PTCHD4: variants seen among roughly 807,000 people sequenced by gnomAD.
PTCHD4 encodes the protein patched domain containing 4.
Under a neutral mutation model 58.1 loss-of-function variants are expected in PTCHD4, and 33 were observed. The observed-to-expected ratio is 0.57, with a 90% CI of 0.43 to 0.76. The LOEUF (loss-of-function observed/expected upper bound fraction) is 0.76, where lower values mean the gene tolerates loss of function less well. PTCHD4 is among the 30% of genes least tolerant of loss of function. PTCHD4 has a pLI of 0.00. For missense variants in PTCHD4, 1,058 were observed against 1,027.1 expected, an observed-to-expected ratio of 1.03 and a Z score of -0.41; for synonymous variants, 478 against 409.6, an observed-to-expected ratio of 1.17 and a Z score of -2.02.
At chr6:48,004,435 G>T (rs989364175) in intron 4 of PTCHD4, among the ~76,000 whole-genome samples, 1 of 152,098 alleles carries the variant, frequency 6.6e-6, no homozygotes, top group African/African-American at 2.4e-5. Context: ...AGCCAGCTTG[G>T]CATCTGTGTG....
chr6:47,944,349 C>A (rs1451896622), intron 4 of PTCHD4, among the ~76,000 whole-genome samples: 1 of 152,016 alleles, frequency 6.6e-6, no homozygotes, highest in Non-Finnish European at 1.5e-5. Flanking sequence ...ACATTAATGA[C>A]AATAGCTTGG....
At chr6:48,097,948 T>C (rs1427757854) in intron 1 of PTCHD4, among the ~76,000 whole-genome samples, 1 of 152,002 alleles carries the variant, frequency 6.6e-6, no homozygotes, top group Non-Finnish European at 1.5e-5. Context: ...AAAGAGAAGG[T>C]AGTAGAAAGC....
intron 3 of PTCHD4, among the ~76,000 whole-genome samples, chr6:48,041,983 C>A (rs1763864755): frequency 1.3e-5 from 2 of 152,000 alleles, no homozygotes; most frequent in African/African-American, 4.8e-5. Context: ...AAGACATGCA[C>A]AGAAGCATAT....
intron 4 of PTCHD4, among the ~76,000 whole-genome samples, chr6:47,992,885 A>C (rs911707555): frequency 1.3e-5 from 2 of 152,212 alleles, no homozygotes; most frequent in Admixed American, 1.3e-4. Flanking sequence ...AACCTTGAAA[A>C]TGAAAAATGA....
At position 47,865,979 on chromosome 6, in the gene PTCHD4, C is replaced by T. The variant is rs1763553912; in HGVS notation, c.*12324G>A. ...TCTGTGCTTTTGTTGCATGTTATGG[C>T]TTTGCTCAGTCTGGTCCCGTCACAT... On this transcript the variant is annotated 3_prime_UTR_variant, in exon 5 of 5. Transcript: ENST00000339488. Among the ~76,000 whole-genome samples the T allele has an allele frequency of 1.3e-5, 2 of 151,818 alleles. No homozygotes were observed. Among genetic ancestry groups the T allele is most frequent in the South Asian group, 2.1e-4 (1 of 4,818 alleles).
rs1011781641 is a variant in PTCHD4 at position 47,873,822 on chromosome 6, T to C, written c.*4481A>G. Among the ~76,000 whole-genome samples, 1 of 151,744 alleles carries C rather than the reference T, an allele frequency of 6.6e-6. No homozygotes were observed. The highest frequency in any genetic ancestry group is 2.1e-4 in the South Asian group (1 of 4,838). ...AATGTCATAAAATTGTCACAAAATT[T>C]TGGTAATTGAGAAAAAGCTAAAACT... On this transcript the variant is annotated 3_prime_UTR_variant, in exon 5 of 5. Transcript: ENST00000339488.
intron 4 of PTCHD4, among the ~76,000 whole-genome samples, chr6:47,959,669 G>T (rs1292463509): frequency 2.0e-5 from 3 of 151,864 alleles, no homozygotes; most frequent in African/African-American, 4.8e-5. Flanking sequence ...CAAGGCAATA[G>T]GACATATTAT....
intron 3 of PTCHD4, among the ~76,000 whole-genome samples, chr6:48,055,000 G>A (rs192954089): frequency 2.6e-5 from 4 of 152,312 alleles, no homozygotes; most frequent in Admixed American, 2.6e-4. Context: ...GGACAAAGAT[G>A]TTAAGTGTCA....
intron 4 of PTCHD4, among the ~76,000 whole-genome samples, chr6:47,897,550 G>C (rs1280532300): frequency 2.0e-5 from 3 of 152,140 alleles, no homozygotes; most frequent in Admixed American, 6.6e-5. Context: ...TCCTGGGGAG[G>C]GAGATGTCAT....
In PTCHD4 at chr6:47,879,697, A is replaced by G. The variant is rs142250373; in HGVS notation, c.1138T>C (p.Phe380Leu). 13 of 1,613,522 alleles carry G rather than the reference A, an allele frequency of 8.1e-6. No individual in the cohort carries two copies. Among genetic ancestry groups the G allele is most frequent in the Non-Finnish European group, 1.1e-5 (13 of 1,179,768 alleles). The change falls in exon 5 of 5, where the codon TTC becomes CTC. Residue 380 changes from phenylalanine (F) to leucine (L), a missense_variant. By Grantham distance (22) the Phe-to-Leu change is conservative. Transcript: ENST00000339488. ...ACCAGACAGGAGCCAAAGAAGGAGA[A>G]AATGTAGAAGTAGTTCAACAGAATA... ...VSILLNYFYI[F>L]SFFGSCLVFA...
At position 47,858,822 on chromosome 6, in the gene PTCHD4, A is replaced by G. The variant is rs958106288; in HGVS notation, c.*19481T>C. On this transcript the variant is annotated 3_prime_UTR_variant, in exon 5 of 5. Coordinates refer to ENST00000339488, the MANE Select transcript of PTCHD4 (RefSeq NM_001384253.1). ...ATCAGAAAGGAAAACAATACAGCAA[A>G]TGTCACATTTGTACAGAATATGCTT... Among the ~76,000 whole-genome samples, 1 of 152,072 alleles carries G rather than the reference A, an allele frequency of 6.6e-6. No individual in the cohort carries two copies. The highest frequency in any genetic ancestry group is 1.5e-5 in the Non-Finnish European group (1 of 67,984).
At chr6:47,895,542 C>A (rs1764505330) in intron 4 of PTCHD4, among the ~76,000 whole-genome samples, 1 of 152,144 alleles carries the variant, frequency 6.6e-6, no homozygotes, top group African/African-American at 2.4e-5. Context: ...GCCTGCCTTT[C>A]AAATAAATCA....
intron 4 of PTCHD4, among the ~76,000 whole-genome samples, chr6:47,989,503 C>T (rs1453069677): frequency 6.6e-6 from 1 of 152,106 alleles, no homozygotes; most frequent in East Asian, 1.9e-4. Flanking sequence ...AGTCCAGGGT[C>T]CCTGTGCTGT....
At chr6:47,993,627 A>G (rs1040030854) in intron 4 of PTCHD4, among the ~76,000 whole-genome samples, 3 of 152,162 alleles carry the variant, frequency 2.0e-5, no homozygotes, top group Admixed American at 6.5e-5. Flanking sequence ...AAGTCTGCTG[A>G]TGGCCAGCAG....
chr6:48,100,789 T>C (rs1244269037), intron 1 of PTCHD4, among the ~76,000 whole-genome samples: 5 of 152,226 alleles, frequency 3.3e-5, no homozygotes, highest in Non-Finnish European at 2.9e-5. Context: ...TAAACACATA[T>C]ACATTTTTTT....
intron 4 of PTCHD4, among the ~76,000 whole-genome samples, chr6:48,006,204 T>C (rs1251628755): frequency 1.3e-5 from 2 of 152,174 alleles, no homozygotes; most frequent in Admixed American, 6.5e-5. Flanking sequence ...GAAGGGTTTA[T>C]TTATGATTCT....
rs1036503504 is a variant in PTCHD4 at position 47,868,546 on chromosome 6, C to T, written c.*9757G>A. 4.0e-5 allele frequency among the ~76,000 whole-genome samples: 6 copies of T among 151,716 alleles called. No homozygotes were observed. The highest frequency in any genetic ancestry group is 6.6e-5 in the Admixed American group (1 of 15,174). ...CTTCACTGAATGGATAATTACTGAA[C>T]GTCTGCAAAGCAGACATTGTGTGCT... On this transcript the variant is annotated 3_prime_UTR_variant, in exon 5 of 5. Transcript: ENST00000339488.
intron 4 of PTCHD4, among the ~76,000 whole-genome samples, chr6:47,992,557 T>C (rs1035766639): frequency 1.3e-5 from 2 of 152,188 alleles, no homozygotes; most frequent in African/African-American, 4.8e-5. Context: ...GCAGGTTTTA[T>C]ACAGTTTCTG....
chr6:48,021,318 C>T (rs1018483060), intron 3 of PTCHD4, among the ~76,000 whole-genome samples: 3 of 151,958 alleles, frequency 2.0e-5, no homozygotes, highest in Admixed American at 6.6e-5. Context: ...AAAGTGCTAA[C>T]ACACACTTAA....
Sources: allele counts gnomAD v4.1 joint callset (sites outside exome capture counted in the v4.1 genomes callset), GRCh38; gene constraint gnomAD v4.1.1; transcripts MANE v1.5; gene names NCBI Gene and HGNC (gene_info 2026-07-23, HGNC 2026-07-21).